STK32A: variants seen among roughly 807,000 people sequenced by gnomAD.
STK32A encodes serine/threonine kinase 32A.
In STK32A, 41 loss-of-function variants were observed where a neutral mutation model predicts 53.2. That is an observed-to-expected ratio of 0.77 (90% confidence interval 0.60 to 1.00). The LOEUF is 1.00. STK32A is among the 50% of genes least tolerant of loss of function. The probability of loss-of-function intolerance (pLI) is 0.00; values close to 1 mark genes in which losing one functional copy is unlikely to be tolerated. For missense variants in STK32A, 458 were observed against 485.8 expected (o/e 0.94, Z 0.54); for synonymous variants, 166 against 162.8 (o/e 1.02, Z -0.15).
intron 4 of STK32A, among the ~76,000 whole-genome samples, chr5:147,314,508 A>AAAAAAAAC (rs1753876052): frequency 2.7e-5 from 1 of 36,900 alleles, no homozygotes; most frequent in African/African-American, 2.9e-4. Context: ...CAAAAAAAAC[A>AAAAAAAAC]AAAAAAAACA....
intron 11 of STK32A, among the ~76,000 whole-genome samples, chr5:147,377,299 T>C (rs1392659519): frequency 1.3e-5 from 2 of 152,148 alleles, no homozygotes; most frequent in African/African-American, 4.8e-5. Context: ...TCAGTCTTTT[T>C]AAATTTTTTG....
intron 2 of STK32A, among the ~76,000 whole-genome samples, chr5:147,269,530 C>T (rs1754941969): frequency 6.6e-6 from 1 of 152,176 alleles, no homozygotes; most frequent in Non-Finnish European, 1.5e-5. Flanking sequence ...TTGACTTTGC[C>T]TTTAGCGAAT....
At chr5:147,395,949 G>A in the STK32A span, among the ~76,000 whole-genome samples, 1 of 152,100 alleles carries the variant, frequency 6.6e-6, no homozygotes, top group Non-Finnish European at 1.5e-5. Context: ...GATGAGCTTC[G>A]ATCAGAAGGA....
At chr5:147,285,575 T>C (rs1277751890) in intron 4 of STK32A, among the ~76,000 whole-genome samples, 3 of 152,000 alleles carry the variant, frequency 2.0e-5, no homozygotes, top group African/African-American at 7.2e-5. Flanking sequence ...GAATCTACAA[T>C]GAACTCAAGT....
At chr5:147,376,150 A>G (rs1052537675) in intron 11 of STK32A, among the ~76,000 whole-genome samples, 14 of 152,102 alleles carry the variant, frequency 9.2e-5, no homozygotes, top group African/African-American at 3.4e-4. Flanking sequence ...AGTATCCTCC[A>G]TCTCCTTAAT....
chr5:147,260,181 TCTCTCTCTC>T (rs1754467486), intron 2 of STK32A, among the ~76,000 whole-genome samples: 1 of 52,126 alleles, frequency 1.9e-5, no homozygotes, highest in African/African-American at 8.3e-5. Context: ...CTCTCTCTCC[TCTCTCTCTC>T]CTCTCTCTCT....
At chr5:147,363,205 G>A (rs927992949) in intron 8 of STK32A, among the ~76,000 whole-genome samples, 3 of 152,112 alleles carry the variant, frequency 2.0e-5, no homozygotes, top group African/African-American at 7.2e-5. Context: ...AAAGAGAAAT[G>A]GGAAAGAAGG....
chr5:147,285,527 C>A (rs1332880133), intron 4 of STK32A, among the ~76,000 whole-genome samples: 2 of 152,060 alleles, frequency 1.3e-5, no homozygotes, highest in Non-Finnish European at 2.9e-5. Flanking sequence ...GGAAGAAAAT[C>A]TTCACAATCT....
intron 2 of STK32A, among the ~76,000 whole-genome samples, chr5:147,244,662 T>C (rs1346303261): frequency 6.6e-6 from 1 of 152,224 alleles, no homozygotes; most frequent in Non-Finnish European, 1.5e-5. Flanking sequence ...TATATGGTGT[T>C]CTAAGGAAAC....
chr5:147,374,997 G>T, intron 10 of STK32A, 93 bp from the exon 11 acceptor site: 1 of 1,222,706 alleles, frequency 8.2e-7, no homozygotes, highest in Non-Finnish European at 1.1e-6. Context: ...GGACTGCTCC[G>T]TTAAGACTAA....
At chr5:147,382,548 C>A (rs1248513721) in intron 11 of STK32A, among the ~76,000 whole-genome samples, 1 of 152,026 alleles carries the variant, frequency 6.6e-6, no homozygotes, top group Admixed American at 6.6e-5. Context: ...TGTGATAAAT[C>A]TAGGAAAATC....
chr5:147,303,008 C>A (rs568103480), intron 4 of STK32A, among the ~76,000 whole-genome samples: 121 of 152,132 alleles, frequency 8.0e-4, no homozygotes, highest in African/African-American at 2.9e-3. Flanking sequence ...CAAATTCCAT[C>A]CTTTTTAGAG....
chr5:147,291,475 T>C (rs1752595533), intron 4 of STK32A, among the ~76,000 whole-genome samples: 1 of 151,790 alleles, frequency 6.6e-6, no homozygotes, highest in Non-Finnish European at 1.5e-5. Flanking sequence ...CAGAATACCA[T>C]GCAGTTAGTT....
At chr5:147,395,630 G>A in the STK32A span, 4 of 1,614,130 alleles carry the variant, frequency 2.5e-6, no homozygotes, top group Non-Finnish European at 3.4e-6. Flanking sequence ...GCCCCGAGCA[G>A]AGCCTGCGGG....
intron 2 of STK32A, among the ~76,000 whole-genome samples, chr5:147,264,293 C>T (rs12186725): frequency 6.6e-6 from 1 of 151,902 alleles, no homozygotes; most frequent in Non-Finnish European, 1.5e-5. Flanking sequence ...TGAAGGGAAT[C>T]CCAGGAAGAC....
chr5:147,248,906 A>G (rs1753864003), intron 2 of STK32A, among the ~76,000 whole-genome samples: 1 of 150,752 alleles, frequency 6.6e-6, no homozygotes, highest in Non-Finnish European at 1.5e-5. Context: ...GCTGCCAACC[A>G]TTTGAAATGA....
chr5:147,350,041 G>A (rs979131363), intron 6 of STK32A, among the ~76,000 whole-genome samples: 4 of 151,652 alleles, frequency 2.6e-5, no homozygotes, highest in Non-Finnish European at 5.9e-5. Context: ...AACCCGGGAG[G>A]CGGAGATTGC....
At chr5:147,401,701 A>T in the STK32A span, 1 of 1,613,944 alleles carries the variant, frequency 6.2e-7, no homozygotes, top group South Asian at 1.1e-5. Flanking sequence ...CATTTCCTAG[A>T]AGGGGCAGGA....
chr5:147,357,258 T>G (rs78605049), intron 7 of STK32A, among the ~76,000 whole-genome samples: 1,611 of 152,242 alleles, frequency 0.011, 27 homozygotes, highest in African/African-American at 0.037. Flanking sequence ...TGGAAGTGTC[T>G]GAAGATATTC....
Sources: gnomAD v4.1 joint callset for allele counts (sites outside exome capture counted in the v4.1 genomes callset) on GRCh38, gnomAD v4.1.1 for gene constraint, MANE v1.5 for transcripts, NCBI Gene and HGNC (gene_info 2026-07-23, HGNC 2026-07-21) for gene names.